Variants in MYO3A observed in about 807,000 individuals in gnomAD.
MYO3A encodes the protein myosin IIIA.
A neutral mutation model predicts 192.7 loss-of-function variants in MYO3A; 180 were observed. That is an observed-to-expected ratio of 0.93 (90% CI 0.83 to 1.06). The LOEUF is 1.06. Among genes scored for constraint, MYO3A ranks in the 50% least tolerant of loss-of-function variants. The probability of loss-of-function intolerance (pLI) is 0.00; values close to 1 mark genes in which losing one functional copy is unlikely to be tolerated. For synonymous variants in MYO3A, 628 were observed against 645.3 expected (o/e 0.97, Z 0.41); for missense variants, 1,896 against 1,905.0 (o/e 1.00, Z 0.09).
At chr10:25,941,435 A>G (rs1836479541) in intron 2 of MYO3A, among the ~76,000 whole-genome samples, 1 of 152,142 alleles carries the variant, frequency 6.6e-6, no homozygotes, top group Non-Finnish European at 1.5e-5. Flanking sequence ...TGTAGGAAAT[A>G]CGGTTTTGAG....
intron 18 of MYO3A, among the ~76,000 whole-genome samples, chr10:26,124,188 C>CAAAAA (rs34682530): frequency 6.7e-5 from 6 of 89,524 alleles, no homozygotes; most frequent in African/African-American, 2.1e-4. Flanking sequence ...GACTTTGTCT[C>CAAAAA]AAAAAAAAAA....
chr10:26,030,425 C>G (rs929711723), intron 10 of MYO3A, among the ~76,000 whole-genome samples: 4 of 151,992 alleles, frequency 2.6e-5, no homozygotes, highest in Admixed American at 6.6e-5. Flanking sequence ...CTCTCTTGAC[C>G]ATGGATCTTA....
intron 6 of MYO3A, among the ~76,000 whole-genome samples, chr10:26,009,750 T>C (rs1231625025): frequency 1.3e-5 from 2 of 152,238 alleles, no homozygotes; most frequent in Admixed American, 1.3e-4. Context: ...TAAGAATGAC[T>C]TCTTTGCTTC....
chr10:26,055,477 C>G (rs1844258694), intron 10 of MYO3A, among the ~76,000 whole-genome samples: 1 of 152,004 alleles, frequency 6.6e-6, no homozygotes, highest in African/African-American at 2.4e-5. Context: ...TCCAAGGGAG[C>G]AATTAGTGGG....
chr10:26,205,615 T>C (rs1242070473), intron 34 of MYO3A, among the ~76,000 whole-genome samples: 24 of 124,250 alleles, frequency 1.9e-4, no homozygotes, highest in Admixed American at 2.3e-4. Context: ...TTTCTTTTTT[T>C]TTTTTTTTTT....
At chr10:26,172,215 T>C (rs1354126107) in intron 29 of MYO3A, among the ~76,000 whole-genome samples, 1 of 152,210 alleles carries the variant, frequency 6.6e-6, no homozygotes, top group East Asian at 1.9e-4. Flanking sequence ...ACTTCTGACT[T>C]TCCTTTTCCC....
chr10:26,130,168 G>A (rs1482577940), intron 20 of MYO3A, among the ~76,000 whole-genome samples: 1 of 151,900 alleles, frequency 6.6e-6, no homozygotes, highest in East Asian at 1.9e-4. Context: ...GCAGTGGGGT[G>A]GTGTTGGCTG....
chr10:25,944,572 T>A (rs1050882399), intron 2 of MYO3A, among the ~76,000 whole-genome samples: 1 of 152,050 alleles, frequency 6.6e-6, no homozygotes, highest in Admixed American at 6.5e-5. Context: ...GATTACTAAT[T>A]CAATCTCTTT....
chr10:26,154,358 T>C (rs1840976478), intron 24 of MYO3A, among the ~76,000 whole-genome samples: 1 of 152,132 alleles, frequency 6.6e-6, no homozygotes, highest in East Asian at 1.9e-4. Flanking sequence ...TTTTCTATTT[T>C]TAGTAGAGAC....
intron 4 of MYO3A, among the ~76,000 whole-genome samples, chr10:25,966,615 GA>G (rs1838283968): frequency 6.6e-6 from 1 of 152,126 alleles, no homozygotes; most frequent in South Asian, 2.1e-4. Flanking sequence ...TTTATTCTTT[GA>G]AATAGCCCCC....
chr10:25,965,637 TA>T (rs1180302104), intron 4 of MYO3A, among the ~76,000 whole-genome samples: 3 of 152,068 alleles, frequency 2.0e-5, no homozygotes, highest in Non-Finnish European at 2.9e-5. Context: ...CCTCATGGCC[TA>T]GATTGCTTTT....
chr10:25,962,087 G>C (rs1034934465), intron 4 of MYO3A, among the ~76,000 whole-genome samples: 6 of 152,130 alleles, frequency 3.9e-5, no homozygotes, highest in African/African-American at 1.4e-4. Flanking sequence ...CCTGTGAGAT[G>C]CTTTTCACAA....
intron 10 of MYO3A, among the ~76,000 whole-genome samples, chr10:26,040,977 G>A (rs565995308): frequency 1.3e-5 from 2 of 152,194 alleles, no homozygotes; most frequent in South Asian, 4.1e-4. Flanking sequence ...TTTATTCAAT[G>A]CTGAAGGTGA....
At chr10:26,048,421 A>G (rs539607429) in intron 10 of MYO3A, among the ~76,000 whole-genome samples, 316 of 152,208 alleles carry the variant, frequency 2.1e-3, no homozygotes, top group Non-Finnish European at 2.5e-3. Flanking sequence ...AGAAAGAAAG[A>G]TAGGGAAATA....
At chr10:25,968,811 A>G (rs1416863) in intron 4 of MYO3A, among the ~76,000 whole-genome samples, 138,477 of 152,330 alleles carry the variant, frequency 0.91, 63,214 homozygotes, top group African/African-American at 0.95. Context: ...TCCCACCCAG[A>G]ATGTGAATTA....
intron 14 of MYO3A, among the ~76,000 whole-genome samples, chr10:26,084,742 T>A (rs988347542): frequency 1.3e-5 from 2 of 152,216 alleles, no homozygotes; most frequent in Admixed American, 1.3e-4. Context: ...GGCTTCAAGC[T>A]GTCCTCCCAT....
intron 6 of MYO3A, among the ~76,000 whole-genome samples, chr10:26,004,257 G>A (rs945463902): frequency 1.3e-5 from 2 of 152,072 alleles, no homozygotes; most frequent in African/African-American, 4.8e-5. Context: ...TATCTGCATA[G>A]GGATCAGGGT....
intron 10 of MYO3A, among the ~76,000 whole-genome samples, chr10:26,039,385 C>T (rs991398920): frequency 1.3e-5 from 2 of 151,756 alleles, no homozygotes; most frequent in African/African-American, 4.8e-5. Context: ...AGAATTTTTG[C>T]GTCAAGATGC....
At chr10:25,950,310 A>G (rs1207835098) in intron 2 of MYO3A, among the ~76,000 whole-genome samples, 2 of 152,012 alleles carry the variant, frequency 1.3e-5, no homozygotes, top group African/African-American at 2.4e-5. Context: ...CATTTTTTTC[A>G]ATAAATTATG....
Sources: gnomAD v4.1 joint callset for allele counts (sites outside exome capture counted in the v4.1 genomes callset) on GRCh38, gnomAD v4.1.1 for gene constraint, MANE v1.5 for transcripts, NCBI Gene and HGNC (gene_info 2026-07-23, HGNC 2026-07-21) for gene names.